BCAS3: variants seen among roughly 807,000 people sequenced by gnomAD.
BCAS3 encodes BCAS4/BCAS3 fusion.
Under a neutral mutation model 116.1 loss-of-function variants are expected in BCAS3, and 53 were observed. The ratio of observed to expected loss-of-function variants is 0.46; its 90% CI spans 0.37 to 0.57. The LOEUF (loss-of-function observed/expected upper bound fraction) is 0.57, where lower values mean the gene tolerates loss of function less well. BCAS3 is among the 20% of genes least tolerant of loss of function. BCAS3 has a pLI of 0.00. For synonymous variants in BCAS3, 391 were observed against 408.2 expected (o/e 0.96, Z 0.51); for missense variants, 917 against 1,165.4 (o/e 0.79, Z 3.10).
chr17:60,825,501 AATT>A (rs569148634), intron 7 of BCAS3, among the ~76,000 whole-genome samples: 1 of 147,100 alleles, frequency 6.8e-6, no homozygotes, highest in Admixed American at 6.8e-5. Context: ...TATAAATAAT[AATT>A]ATTTATAATA....
intron 7 of BCAS3, among the ~76,000 whole-genome samples, chr17:60,831,832 T>A (rs146603797): frequency 1.3e-3 from 196 of 150,782 alleles, no homozygotes; most frequent in African/African-American, 4.4e-3. Context: ...CTGTGGAAAA[T>A]ATAAAATACA....
chr17:60,808,634 G>T (rs781595752), intron 7 of BCAS3, among the ~76,000 whole-genome samples: 5 of 152,138 alleles, frequency 3.3e-5, no homozygotes, highest in Non-Finnish European at 7.4e-5. Context: ...TAAATTTTTC[G>T]ATTGAAGAAG....
intron 22 of BCAS3, among the ~76,000 whole-genome samples, chr17:61,202,853 T>C (rs1364213896): frequency 6.6e-6 from 1 of 152,210 alleles, no homozygotes; most frequent in African/African-American, 2.4e-5. Context: ...ATAGCCTAAA[T>C]ATCTCATAGA....
At position 61,171,367 on chromosome 17, in the gene BCAS3, G is replaced by GT. The variant is rs1555758256; in HGVS notation, c.2425+86803_2425+86804insT. 1.3e-5 allele frequency among the ~76,000 whole-genome samples: 2 copies of GT among 151,824 alleles called. No homozygotes were observed. Among genetic ancestry groups the GT allele is most frequent in the African/African-American group, 4.8e-5 (2 of 41,256 alleles). On this transcript the variant is annotated intron_variant, in intron 22 of 23. Coordinates refer to ENST00000407086, the MANE Select transcript of BCAS3 (RefSeq NM_017679.5). This position sits in a 1 kb window ranked among gnomAD's most constrained non-coding sequence, Gnocchi z 4.1. ...CAAAACAACACATGGGAACCAAAAA[G>GT]AAAAAAATGGAACAAAGAATAAATG... is the stretch of plus-strand genomic sequence containing the variant.
chr17:61,155,228 T>C (rs910382791), intron 22 of BCAS3, among the ~76,000 whole-genome samples: 1 of 152,150 alleles, frequency 6.6e-6, no homozygotes, highest in African/African-American at 2.4e-5. Flanking sequence ...TAAAAAATTT[T>C]AAAACACACA....
chr17:60,765,098 T>C (rs2043953158), intron 6 of BCAS3, among the ~76,000 whole-genome samples: 1 of 152,198 alleles, frequency 6.6e-6, no homozygotes, highest in Non-Finnish European at 1.5e-5. Flanking sequence ...GCATGTGAGC[T>C]GGGTCTCCTG....
At chr17:61,232,612 C>G (rs747296894) in intron 22 of BCAS3, among the ~76,000 whole-genome samples, 1 of 152,100 alleles carries the variant, frequency 6.6e-6, no homozygotes, top group Non-Finnish European at 1.5e-5. Flanking sequence ...TTCAAAAACC[C>G]ATCTCTGGGT....
At chr17:60,848,263 G>T (rs927100891) in intron 7 of BCAS3, among the ~76,000 whole-genome samples, 1 of 152,012 alleles carries the variant, frequency 6.6e-6, no homozygotes, top group Non-Finnish European at 1.5e-5. Flanking sequence ...CTTTGTTTTG[G>T]CTGTTTGGTG....
At position 60,980,206 on chromosome 17, in the gene BCAS3, C is replaced by A. The variant is rs904002040; in HGVS notation, c.1222-9765C>A. ...ATTGGTCTATTCAGAGATTAAACTT[C>A]TGGGCGGAAGCACTTTCTAAGTGGC... On this transcript the variant is annotated intron_variant, in intron 14 of 23. Transcript: ENST00000407086. Among the ~76,000 whole-genome samples, 10 of 152,174 alleles carry A rather than the reference C, an allele frequency of 6.6e-5. No homozygotes were observed. The South Asian group carries it at 1.7e-3, about 25-fold the overall frequency.
At chr17:61,067,299 A>G (rs1465062017) in intron 19 of BCAS3, among the ~76,000 whole-genome samples, 3 of 130,322 alleles carry the variant, frequency 2.3e-5, no homozygotes, top group African/African-American at 8.7e-5. Context: ...ATATATATAT[A>G]TATATATATA....
At chr17:60,686,587 A>T (rs540212603) in intron 3 of BCAS3, among the ~76,000 whole-genome samples, 1 of 151,968 alleles carries the variant, frequency 6.6e-6, no homozygotes, top group East Asian at 1.9e-4. Flanking sequence ...GTGCAATGGC[A>T]TAATCTCGGC....
At chr17:60,927,241 CTTTCT>C (rs1476665049) in intron 13 of BCAS3, among the ~76,000 whole-genome samples, 16 of 150,896 alleles carry the variant, frequency 1.1e-4, no homozygotes, top group Admixed American at 2.0e-4. Flanking sequence ...TTCTTTCTTT[CTTTCT>C]TTTTTTGTTT....
intron 22 of BCAS3, among the ~76,000 whole-genome samples, chr17:61,170,475 G>A (rs140262641): frequency 1.6e-3 from 248 of 151,888 alleles, no homozygotes; most frequent in Admixed American, 4.1e-3. Flanking sequence ...TGTAGTTTTA[G>A]TAGAGATGAG....
rs1603104644 is a variant in BCAS3, at chr17:61,368,539, C to G, written c.2593+45C>G. 6.5e-7 allele frequency: 1 copy of G among 1,543,478 alleles called. No individual in the cohort carries two copies. The highest frequency in any genetic ancestry group is 8.8e-7 in the Non-Finnish European group (1 of 1,135,504). ...TCTAGCCTGATTTGGTCAGGACCAG[C>G]ACCTGTTGGTGCAGAGCTTCTCTGG... On this transcript the variant is annotated intron_variant, in intron 23 of 23. Transcript: ENST00000407086. The surrounding 1 kb of genome is among the most constrained non-coding windows in gnomAD (Gnocchi z 6.0).
intron 7 of BCAS3, among the ~76,000 whole-genome samples, chr17:60,815,877 G>A (rs150238276): frequency 6.4e-4 from 98 of 152,212 alleles, no homozygotes; most frequent in African/African-American, 2.2e-3. Flanking sequence ...GGTATTAAGC[G>A]CAGTGCCCTA....
At chr17:60,937,494 A>G (rs2059997515) in intron 13 of BCAS3, among the ~76,000 whole-genome samples, 1 of 152,192 alleles carries the variant, frequency 6.6e-6, no homozygotes, top group Admixed American at 6.5e-5. Flanking sequence ...AATTTTAAGT[A>G]TACGGCTTGT....
intron 15 of BCAS3, among the ~76,000 whole-genome samples, chr17:61,006,487 C>A (rs1038083197): frequency 2.6e-5 from 4 of 152,006 alleles, no homozygotes; most frequent in African/African-American, 9.7e-5. Context: ...TTTTTTCCAT[C>A]TACAGTAAAG....
chr17:61,150,041 G>C (rs1011219090), intron 22 of BCAS3, among the ~76,000 whole-genome samples: 1 of 152,176 alleles, frequency 6.6e-6, no homozygotes, highest in African/African-American at 2.4e-5. Flanking sequence ...TAACAGGAAA[G>C]GGGGTGGGGA....
intron 22 of BCAS3, among the ~76,000 whole-genome samples, chr17:61,272,636 CAAAAAAAAAAAAAAAAA>C (rs373837874): frequency 3.0e-4 from 14 of 47,390 alleles, no homozygotes; most frequent in Admixed American, 8.6e-4. Flanking sequence ...AACCCTGTCT[CAAAAAAAAAAAAAAAAA>C]AAAAAAAAAA....
Sources: gnomAD v4.1 joint callset for allele counts (sites outside exome capture counted in the v4.1 genomes callset) on GRCh38, gnomAD v4.1.1 for gene constraint, Gnocchi (gnomAD v3.1) non-coding constraint, MANE v1.5 for transcripts, NCBI Gene and HGNC (gene_info 2026-07-23, HGNC 2026-07-21) for gene names.